OSMR: variants seen among roughly 807,000 people sequenced by gnomAD.
The protein encoded by OSMR is oncostatin-M-specific receptor subunit beta.
OSMR carries 81 observed loss-of-function variants against 99.9 expected under a neutral mutation model. The observed-to-expected ratio is 0.81, with a 90% CI of 0.68 to 0.97. The LOEUF is 0.97. OSMR is among the 50% of genes least tolerant of loss of function. The pLI is 0.00. For missense variants in OSMR, 1,099 were observed against 1,153.4 expected, an observed-to-expected ratio of 0.95 and a Z score of 0.68; for synonymous variants, 406 against 410.4, an observed-to-expected ratio of 0.99 and a Z score of 0.13.
chr5:38,881,209 A>G (rs1010574718), intron 3 of OSMR, among the ~76,000 whole-genome samples: 2 of 151,560 alleles, frequency 1.3e-5, no homozygotes, highest in African/African-American at 4.9e-5. Context: ...TTTTTTTTTA[A>G]AGGATGACTG....
chr5:38,889,818 AT>A (rs1277016536), intron 7 of OSMR, among the ~76,000 whole-genome samples: 1 of 151,884 alleles, frequency 6.6e-6, no homozygotes, highest in East Asian at 1.9e-4. Flanking sequence ...TTCCACTGTA[AT>A]TTTTATTACC....
intron 7 of OSMR, among the ~76,000 whole-genome samples, chr5:38,902,744 T>G (rs995566801): frequency 6.6e-6 from 1 of 152,180 alleles, no homozygotes; most frequent in Non-Finnish European, 1.5e-5. Context: ...TGAGTCACGT[T>G]CTCTGTGAAG....
chr5:38,912,809 A>C (rs1487401322), intron 9 of OSMR, among the ~76,000 whole-genome samples: 1 of 152,180 alleles, frequency 6.6e-6, no homozygotes, highest in East Asian at 1.9e-4. Context: ...AAAGTCAACA[A>C]AAATAAGCAA....
intron 7 of OSMR, among the ~76,000 whole-genome samples, chr5:38,903,387 A>ACATGACT (rs1745018849): frequency 6.6e-6 from 1 of 152,242 alleles, no homozygotes; most frequent in African/African-American, 2.4e-5. Flanking sequence ...TCGTGACAAC[A>ACATGACT]CATGACTCGC....
intron 10 of OSMR, 23 bp downstream of exon 10, chr5:38,917,645 G>A (rs375609477): frequency 2.4e-5 from 38 of 1,586,972 alleles, no homozygotes; most frequent in Non-Finnish European, 3.2e-5. Flanking sequence ...GATTCCAAAA[G>A]TCTGATTGTT....
At chr5:38,927,425 T>C (rs1198195613) in intron 15 of OSMR, among the ~76,000 whole-genome samples, 2 of 152,146 alleles carry the variant, frequency 1.3e-5, no homozygotes, top group Non-Finnish European at 2.9e-5. Flanking sequence ...TAGGCGGAGG[T>C]TCCCAAACCT....
Position 38,885,421 on chromosome 5 carries a change from C to G in OSMR, c.776C>G (p.Pro259Arg). 6.2e-7 allele frequency: 1 copy of G among 1,613,960 alleles called. No homozygotes were observed. Among genetic ancestry groups the G allele is most frequent in the Non-Finnish European group, 8.5e-7 (1 of 1,179,854 alleles). Reference sequence around the variant, plus strand: ...AAGACTTTGCACTGTACTTGGGATCCTGGGACGGACACTGCCTTGGGGTGG... The same window carrying G: ...AAGACTTTGCACTGTACTTGGGATCGTGGGACGGACACTGCCTTGGGGTGG... The part of the protein sequence containing the change: ...DFKTLHCTWD[P>R]GTDTALGWSK... Residue 259 changes from proline to arginine, a missense_variant, in exon 6 of 18, where the codon CCT becomes CGT. Pro to Arg is a moderately radical substitution (Grantham distance 103). Transcript: ENST00000274276.
chr5:38,914,195 A>T (rs2112605704), intron 9 of OSMR, among the ~76,000 whole-genome samples: 1 of 152,324 alleles, frequency 6.6e-6, no homozygotes, highest in East Asian at 1.9e-4. Context: ...GGAGGCTAGA[A>T]ATCTGACATC....
intron 1 of OSMR, among the ~76,000 whole-genome samples, chr5:38,852,208 G>A (rs930547747): frequency 1.3e-5 from 2 of 152,086 alleles, no homozygotes; most frequent in African/African-American, 4.8e-5. Context: ...AAAGGCTCTT[G>A]GATTTTTATT....
At chr5:38,915,075 T>C (rs939272827) in intron 9 of OSMR, among the ~76,000 whole-genome samples, 1 of 152,222 alleles carries the variant, frequency 6.6e-6, no homozygotes, top group Admixed American at 6.5e-5. Flanking sequence ...ATTCACTAAA[T>C]TTGATTATTA....
chr5:38,859,813 A>G (rs1048820250), intron 1 of OSMR, among the ~76,000 whole-genome samples: 1 of 151,940 alleles, frequency 6.6e-6, no homozygotes, highest in African/African-American at 2.4e-5. Context: ...CCATGGTTCA[A>G]TTTATTTTTA....
intron 3 of OSMR, among the ~76,000 whole-genome samples, chr5:38,878,743 A>G (rs1743027530): frequency 6.6e-6 from 1 of 152,190 alleles, no homozygotes; most frequent in African/African-American, 2.4e-5. Flanking sequence ...CCCAAAGACA[A>G]TTCATCATAT....
At chr5:38,889,009 A>G (rs1431283605) in intron 7 of OSMR, among the ~76,000 whole-genome samples, 3 of 152,054 alleles carry the variant, frequency 2.0e-5, no homozygotes, top group African/African-American at 7.2e-5. Context: ...TTTTTCTGAC[A>G]TACAGCAAGG....
chr5:38,862,112 T>C (rs1741433881), intron 1 of OSMR, among the ~76,000 whole-genome samples: 1 of 81,786 alleles, frequency 1.2e-5, no homozygotes, highest in African/African-American at 4.7e-5. Flanking sequence ...ACCCCCCACC[T>C]CCCTCCCGGA....
intron 12 of OSMR, among the ~76,000 whole-genome samples, chr5:38,922,473 G>C (rs145485545): frequency 6.6e-6 from 1 of 152,206 alleles, no homozygotes; most frequent in African/African-American, 2.4e-5. Context: ...GCTTTAATGG[G>C]AAGAGGGAAG....
intron 11 of OSMR, chr5:38,919,396 T>G: frequency 7.7e-7 from 1 of 1,292,140 alleles, no homozygotes; most frequent in Non-Finnish European, 1.0e-6. Flanking sequence ...ATGATCTTTG[T>G]GGCTTGTGAA....
chr5:38,918,398 G>A (rs1746041900), intron 10 of OSMR, among the ~76,000 whole-genome samples: 1 of 152,154 alleles, frequency 6.6e-6, no homozygotes. Context: ...TGGGTATGGA[G>A]AGCAGCTAAT....
chr5:38,887,971 G>T (rs1279157835), intron 7 of OSMR, among the ~76,000 whole-genome samples: 1 of 152,110 alleles, frequency 6.6e-6, no homozygotes, highest in Non-Finnish European at 1.5e-5. Context: ...CGCCGGTTTG[G>T]ATAAAACGAC....
At chr5:38,898,879 G>T (rs1744694642) in intron 7 of OSMR, among the ~76,000 whole-genome samples, 1 of 149,928 alleles carries the variant, frequency 6.7e-6, no homozygotes, top group Non-Finnish European at 1.5e-5. Context: ...TAAACAAACA[G>T]GCAAAAAACT....
Sources: allele counts gnomAD v4.1 joint callset (sites outside exome capture counted in the v4.1 genomes callset), GRCh38; gene constraint gnomAD v4.1.1; transcripts MANE v1.5; gene names NCBI Gene and HGNC (gene_info 2026-07-23, HGNC 2026-07-21).